The following TAFA5 variants were observed in gnomAD, a reference collection of about 807,000 sequenced individuals.
TAFA5 encodes the protein chemokine-like protein TAFA-5.
TAFA5 carries 6 observed loss-of-function variants against 15.3 expected under a neutral mutation model. The observed-to-expected ratio is 0.39, with a 90% CI of 0.21 to 0.77. TAFA5 has a LOEUF of 0.77. Ranked by LOEUF, TAFA5 falls within the 30% of genes least tolerant of loss-of-function variation. TAFA5 has a pLI of 0.41. For missense variants in TAFA5, 161 were observed against 193.1 expected (o/e 0.83, Z 0.98); for synonymous variants, 103 against 80.7 (o/e 1.28, Z -1.48).
At chr22:48,529,332 A>G (rs1172672410) in intron 1 of TAFA5, among the ~76,000 whole-genome samples, 14 of 59,678 alleles carry the variant, frequency 2.3e-4, no homozygotes, top group African/African-American at 4.1e-4. Context: ...GCAGGAGATG[A>G]GGGTGTCCAG....
chr22:48,560,040 C>G lies in TAFA5; in HGVS notation c.112+70336C>G, dbSNP rs1322705085. 2.6e-5 allele frequency among the ~76,000 whole-genome samples: 4 copies of G among 152,162 alleles called. No homozygotes were observed. Among genetic ancestry groups the G allele is most frequent in the African/African-American group, 9.7e-5 (4 of 41,446 alleles). ...GACTGCAGGGTCTTCTTTCTATGCA[C>G]ACGCCGGCCATCCTCCATCAGGCAG... On this transcript the variant is annotated intron_variant, in intron 1 of 3. Coordinates refer to ENST00000402357, the MANE Select transcript of TAFA5 (RefSeq NM_001082967.3). This position sits in a 1 kb window ranked among gnomAD's most constrained non-coding sequence, Gnocchi z 4.2.
At chr22:48,543,256 C>T (rs912466998) in intron 1 of TAFA5, 5 of 152,148 alleles carry the variant, frequency 3.3e-5, no homozygotes, top group Admixed American at 6.5e-5. Flanking sequence ...CTCCCCTCCC[C>T]GGGGAAGAGA....
intron 3 of TAFA5, among the ~76,000 whole-genome samples, chr22:48,714,328 C>T (rs547040721): frequency 3.0e-4 from 45 of 152,200 alleles, no homozygotes; most frequent in African/African-American, 9.2e-4. Context: ...AGCGGGTGGA[C>T]GGAGCTGACA....
chr22:48,709,313 T>C (rs1198992474), intron 3 of TAFA5, among the ~76,000 whole-genome samples: 1 of 152,176 alleles, frequency 6.6e-6, no homozygotes, highest in Non-Finnish European at 1.5e-5. Flanking sequence ...AAGCAAATGA[T>C]TCCGTCCTGC....
intron 2 of TAFA5, among the ~76,000 whole-genome samples, chr22:48,665,884 A>G (rs1927591999): frequency 6.6e-6 from 1 of 151,720 alleles, no homozygotes; most frequent in Non-Finnish European, 1.5e-5. Flanking sequence ...GCCTGCTTGA[A>G]CATCGCAGGG....
chr22:48,526,557 T>A (rs1921788834), intron 1 of TAFA5, among the ~76,000 whole-genome samples: 2 of 152,240 alleles, frequency 1.3e-5, no homozygotes, highest in Admixed American at 1.3e-4. Flanking sequence ...CTCACAAGGC[T>A]GACCATACAG....
chr22:48,529,187 A>G (rs1464937486), intron 1 of TAFA5, among the ~76,000 whole-genome samples: 54 of 139,962 alleles, frequency 3.9e-4, no homozygotes, highest in Middle Eastern at 4.3e-3. Flanking sequence ...GCAGGAGATG[A>G]GGGTGTCCAG....
chr22:48,519,278 A>G (rs1330658019), intron 1 of TAFA5, among the ~76,000 whole-genome samples: 1 of 152,262 alleles, frequency 6.6e-6, no homozygotes, highest in Non-Finnish European at 1.5e-5. Flanking sequence ...TAGGAGATAG[A>G]GGCTCCAAGA....
At chr22:48,613,398 C>G (rs1010202150) in intron 1 of TAFA5, among the ~76,000 whole-genome samples, 4 of 152,176 alleles carry the variant, frequency 2.6e-5, no homozygotes, top group African/African-American at 4.8e-5. Context: ...TCATCCAGCC[C>G]ACTGTGGATG....
intron 2 of TAFA5, among the ~76,000 whole-genome samples, chr22:48,702,523 T>A (rs961790517): frequency 6.6e-6 from 1 of 152,080 alleles, no homozygotes; most frequent in African/African-American, 2.4e-5. Context: ...ACTGCAGACA[T>A]AAATACGCAT....
At chr22:48,580,063 G>A (rs74635077) in intron 1 of TAFA5, among the ~76,000 whole-genome samples, 2,068 of 152,306 alleles carry the variant, frequency 0.014, 24 homozygotes, top group Non-Finnish European at 0.017. Flanking sequence ...CAGCGGCCGC[G>A]GCACGGTGTA....
rs1420906362 is a variant in TAFA5 at position 48,490,197 on chromosome 22, C to A, written c.112+493C>A. Among the ~76,000 whole-genome samples the A allele has an allele frequency of 6.6e-6, 1 of 152,150 alleles. No homozygotes were observed. The highest frequency in any genetic ancestry group is 2.4e-5 in the African/African-American group (1 of 41,452). The stretch of plus-strand genomic sequence containing the variant: ...GGAGCCCAGCCTGGGCTCGGAGGAG[C>A]AGCTGGAGCTTCCGCTTTCCCGGGA... On this transcript the variant is annotated intron_variant, in intron 1 of 3. Coordinates refer to ENST00000402357, the MANE Select transcript of TAFA5 (RefSeq NM_001082967.3). The surrounding 1 kb of genome is among the most constrained non-coding windows in gnomAD (Gnocchi z 5.8).
intron 2 of TAFA5, among the ~76,000 whole-genome samples, chr22:48,653,588 T>A (rs1325280223): frequency 1.3e-5 from 2 of 152,020 alleles, no homozygotes; most frequent in African/African-American, 2.4e-5. Context: ...GAGCCCAGTT[T>A]TACCAGAAGG....
intron 1 of TAFA5, among the ~76,000 whole-genome samples, chr22:48,577,493 G>A (rs1285294899): frequency 6.6e-6 from 1 of 152,204 alleles, no homozygotes; most frequent in Non-Finnish European, 1.5e-5. Context: ...CACAGGCTGG[G>A]CCAGCTCCGC....
intron 2 of TAFA5, among the ~76,000 whole-genome samples, chr22:48,659,073 C>A (rs1927345214): frequency 6.6e-6 from 1 of 152,248 alleles, no homozygotes; most frequent in Non-Finnish European, 1.5e-5. Context: ...TCTCCGAGGG[C>A]CCTGCTGAGG....
rs144918234 is a variant in TAFA5, at chr22:48,677,659, G to A, written c.263-30058G>A. On this transcript the variant is annotated intron_variant, in intron 2 of 3. Transcript: ENST00000402357. Reference sequence around the variant, plus strand: ...CCTCCCCGAGGCCTCCCACCCCTGAGCGCCAAGGCCCAGAGGAAGCAGCTC... The same window carrying A: ...CCTCCCCGAGGCCTCCCACCCCTGAACGCCAAGGCCCAGAGGAAGCAGCTC... 7.8e-3 allele frequency among the ~76,000 whole-genome samples: 1,191 copies of A among 152,300 alleles called. 13 individuals are homozygous for A. The highest frequency in any genetic ancestry group is 0.027 in the African/African-American group (1,110 of 41,556).
At chr22:48,532,700 C>A (rs1922014865) in intron 1 of TAFA5, among the ~76,000 whole-genome samples, 1 of 152,094 alleles carries the variant, frequency 6.6e-6, no homozygotes, top group Non-Finnish European at 1.5e-5. Context: ...TCCAGGTCAC[C>A]ATGAAAGGGG....
intron 2 of TAFA5, among the ~76,000 whole-genome samples, chr22:48,667,265 C>T (rs564509061): frequency 5.9e-5 from 9 of 152,072 alleles, no homozygotes; most frequent in African/African-American, 1.9e-4. Context: ...AAGAGCCACG[C>T]GCTCCTGGCT....
intron 3 of TAFA5, among the ~76,000 whole-genome samples, chr22:48,737,925 T>C (rs1930077327): frequency 1.3e-5 from 2 of 152,118 alleles, no homozygotes; most frequent in East Asian, 1.9e-4. Flanking sequence ...CCGCGGTCAC[T>C]GTGCAGCCCT....
Sources: allele counts gnomAD v4.1 joint callset (sites outside exome capture counted in the v4.1 genomes callset), GRCh38; gene constraint gnomAD v4.1.1; non-coding constraint Gnocchi (gnomAD v3.1); transcripts MANE v1.5; gene names NCBI Gene and HGNC (gene_info 2026-07-23, HGNC 2026-07-21).